The following ERBB4 variants were observed in gnomAD, a reference collection of about 807,000 sequenced individuals.
ERBB4 encodes the protein receptor tyrosine-protein kinase erbB-4.
ERBB4 carries 42 observed loss-of-function variants against 158.0 expected under a neutral mutation model. The observed-to-expected ratio is 0.27, with a 90% confidence interval of 0.21 to 0.34. The LOEUF (loss-of-function observed/expected upper bound fraction) is 0.34, where lower values mean the gene tolerates loss of function less well. Among genes scored for constraint, ERBB4 ranks in the 10% least tolerant of loss-of-function variants. The probability of loss-of-function intolerance (pLI) is 1.00; values close to 1 mark genes in which losing one functional copy is unlikely to be tolerated. For synonymous variants in ERBB4, 583 were observed against 558.7 expected, an observed-to-expected ratio of 1.04 and a Z score of -0.61; for missense variants, 1,333 against 1,624.1, an observed-to-expected ratio of 0.82 and a Z score of 3.08.
chr2:212,480,871 T>C (rs2106158637), intron 1 of ERBB4, among the ~76,000 whole-genome samples: 1 of 152,382 alleles, frequency 6.6e-6, no homozygotes, highest in East Asian at 1.9e-4. Flanking sequence ...AATGTGCTAT[T>C]TGCTGGAAGG....
At chr2:211,806,257 A>G (rs1161824631) in intron 3 of ERBB4, among the ~76,000 whole-genome samples, 1 of 152,164 alleles carries the variant, frequency 6.6e-6, no homozygotes, top group East Asian at 1.9e-4. Flanking sequence ...ATGAGAGACT[A>G]AGGAGAGAGA....
chr2:212,326,873 A>C (rs1200419833), intron 1 of ERBB4, among the ~76,000 whole-genome samples: 1 of 151,062 alleles, frequency 6.6e-6, no homozygotes. Context: ...AAGGATAGAG[A>C]ATGGCTGAAA....
intron 2 of ERBB4, among the ~76,000 whole-genome samples, chr2:211,987,556 G>A (rs1338206256): frequency 6.6e-6 from 1 of 151,916 alleles, no homozygotes; most frequent in Admixed American, 6.6e-5. Context: ...GAGGGTGTAA[G>A]AAAAGGAAGG....
chr2:212,029,457 A>G (rs2076850560), intron 2 of ERBB4, among the ~76,000 whole-genome samples: 1 of 152,060 alleles, frequency 6.6e-6, no homozygotes, highest in Non-Finnish European at 1.5e-5. Flanking sequence ...CCCAAACATA[A>G]CTAACTCCTA....
intron 1 of ERBB4, among the ~76,000 whole-genome samples, chr2:212,235,109 G>A (rs1198244253): frequency 6.6e-6 from 1 of 152,134 alleles, no homozygotes; most frequent in South Asian, 2.1e-4. Context: ...ATGGTTTTAG[G>A]CCTTACATTT....
At chr2:211,772,866 TATACACATATATATATATACAC>T (rs2075741140) in intron 4 of ERBB4, among the ~76,000 whole-genome samples, 1 of 72,190 alleles carries the variant, frequency 1.4e-5, no homozygotes, top group Non-Finnish European at 2.6e-5. Context: ...TATATATATA[TATACACATATATATATATACAC>T]ACACACACAC....
chr2:212,395,767 G>A (rs561293797), intron 1 of ERBB4, among the ~76,000 whole-genome samples: 1 of 152,084 alleles, frequency 6.6e-6, no homozygotes, highest in South Asian at 2.1e-4. Flanking sequence ...CTACAGACAT[G>A]TGCCACCACA....
chr2:212,331,071 T>TATATATATATATACAC lies in ERBB4; in HGVS notation c.83-206169_83-206168insGTGTATATATATATAT, dbSNP rs147932949. On this transcript the variant is annotated intron_variant, in intron 1 of 27. Transcript: ENST00000342788. ...TATTTGTAATTTGTATATATATATA[T>TATATATATATATACAC]ACACATATATATATATGCCCATAAC... Among the ~76,000 whole-genome samples the TATATATATATATACAC allele has an allele frequency of 2.0e-4, 24 of 120,056 alleles. 1 individual carries two copies. Among genetic ancestry groups the TATATATATATATACAC allele is most frequent in the African/African-American group, 5.0e-4 (18 of 36,036 alleles). 78.8% of individuals were successfully genotyped at this position (120,056 alleles called of 152,430 possible). A position where few individuals can be genotyped will look rare whatever the true frequency, so the allele number is the denominator to read the frequency against.
chr2:211,490,252 T>C (rs903874558), intron 20 of ERBB4, among the ~76,000 whole-genome samples: 1 of 152,092 alleles, frequency 6.6e-6, no homozygotes, highest in Non-Finnish European at 1.5e-5. Flanking sequence ...ACTATGTCTA[T>C]GTATTATACG....
chr2:211,553,683 A>T (rs1490095316), intron 20 of ERBB4, among the ~76,000 whole-genome samples: 1 of 152,188 alleles, frequency 6.6e-6, no homozygotes, highest in Non-Finnish European at 1.5e-5. Flanking sequence ...AATAGGTAGC[A>T]CTGTTATCCC....
intron 1 of ERBB4, among the ~76,000 whole-genome samples, chr2:212,388,659 A>G (rs1574829402): frequency 2.0e-5 from 3 of 152,220 alleles, no homozygotes; most frequent in Middle Eastern, 6.8e-3. Context: ...AAGAAATGCC[A>G]TATTTCATGG....
chr2:212,397,292 T>C (rs1331152852), intron 1 of ERBB4, among the ~76,000 whole-genome samples: 2 of 151,908 alleles, frequency 1.3e-5, no homozygotes, highest in African/African-American at 4.8e-5. Flanking sequence ...CTGGGCAACA[T>C]GGTGAAACCC....
At chr2:212,243,416 T>A (rs748150156) in intron 1 of ERBB4, among the ~76,000 whole-genome samples, 8 of 152,164 alleles carry the variant, frequency 5.3e-5, no homozygotes, top group Non-Finnish European at 1.2e-4. Context: ...ATCATGTCTG[T>A]CTTCATGACC....
intron 1 of ERBB4, among the ~76,000 whole-genome samples, chr2:212,152,637 T>C (rs988998945): frequency 6.6e-6 from 1 of 152,200 alleles, no homozygotes; most frequent in Non-Finnish European, 1.5e-5. Context: ...GATCCCCATA[T>C]TTCTATCTTC....
intron 3 of ERBB4, among the ~76,000 whole-genome samples, chr2:211,852,922 A>G (rs1326563951): frequency 1.3e-5 from 2 of 151,940 alleles, no homozygotes; most frequent in African/African-American, 2.4e-5. Flanking sequence ...AAAATAAATA[A>G]TAGATATCAT....
At chr2:211,660,109 G>T (rs901131967) in intron 15 of ERBB4, among the ~76,000 whole-genome samples, 1 of 152,036 alleles carries the variant, frequency 6.6e-6, no homozygotes, top group South Asian at 2.1e-4. Flanking sequence ...ATAGGAAGAG[G>T]GGAAAAAAGA....
intron 5 of ERBB4, among the ~76,000 whole-genome samples, chr2:211,726,276 G>A (rs1263924610): frequency 6.6e-6 from 1 of 151,974 alleles, no homozygotes; most frequent in Non-Finnish European, 1.5e-5. Context: ...GCTCATTCCT[G>A]GATAAAAGTC....
intron 2 of ERBB4, among the ~76,000 whole-genome samples, chr2:212,098,431 A>G (rs2078991013): frequency 6.6e-6 from 1 of 152,168 alleles, no homozygotes; most frequent in Admixed American, 6.6e-5. Flanking sequence ...CCAATGGGAA[A>G]GCTGAATGTT....
At chr2:211,597,212 CATT>C (rs1422855701) in intron 19 of ERBB4, among the ~76,000 whole-genome samples, 1 of 152,016 alleles carries the variant, frequency 6.6e-6, no homozygotes, top group Non-Finnish European at 1.5e-5. Flanking sequence ...TATATTAATC[CATT>C]ATTGTCTATG....
Sources: allele counts gnomAD v4.1 joint callset (sites outside exome capture counted in the v4.1 genomes callset), GRCh38; gene constraint gnomAD v4.1.1; transcripts MANE v1.5; gene names NCBI Gene and HGNC (gene_info 2026-07-23, HGNC 2026-07-21).